Variants in SANBR observed in about 807,000 individuals in gnomAD.
SANBR encodes the protein SANT and BTB domain regulator of CSR, also known as SANT and BTB domain regulator of class switch recombination.
In SANBR, 77 loss-of-function variants were observed where a neutral mutation model predicts 101.8. That is an observed-to-expected ratio of 0.76 (90% CI 0.63 to 0.91). The LOEUF (loss-of-function observed/expected upper bound fraction) is 0.91. SANBR is among the 40% of genes least tolerant of loss of function. SANBR has a pLI of 0.00. For missense variants in SANBR, 875 were observed against 853.0 expected (o/e 1.03, Z -0.32); for synonymous variants, 279 against 274.7 (o/e 1.02, Z -0.15).
chr2:61,071,537 G>A (rs1284726678), intron 3 of SANBR, 69 bp from the exon 4 acceptor site: 2 of 1,044,416 alleles, frequency 1.9e-6, no homozygotes, highest in Non-Finnish European at 1.3e-6. Context: ...GCGACAATGT[G>A]AGACTCCGTC....
At chr2:61,134,755 G>A (rs560861350) in intron 21 of SANBR, among the ~76,000 whole-genome samples, 1 of 152,188 alleles carries the variant, frequency 6.6e-6, no homozygotes, top group African/African-American at 2.4e-5. Context: ...AGCTGGTGGT[G>A]TGGTGGCACA....
At chr2:61,113,709 T>G (rs1242776580) in intron 16 of SANBR, among the ~76,000 whole-genome samples, 2 of 152,258 alleles carry the variant, frequency 1.3e-5, no homozygotes, top group East Asian at 3.8e-4. Flanking sequence ...TCTTCATTTA[T>G]TAGATTTCAT....
chr2:61,127,788 G>C (rs893456742), downstream of SANBR, among the ~76,000 whole-genome samples: 6 of 152,174 alleles, frequency 3.9e-5, no homozygotes, highest in African/African-American at 7.2e-5. Flanking sequence ...AAGGAGAGGA[G>C]AGAGAGAAAG....
downstream of SANBR, among the ~76,000 whole-genome samples, chr2:61,125,014 T>A (rs1233171694): frequency 2.6e-5 from 4 of 152,244 alleles, no homozygotes; most frequent in Non-Finnish European, 5.9e-5. Context: ...CCTTCAGCTA[T>A]TCACTGAGCA....
intron 14 of SANBR, among the ~76,000 whole-genome samples, chr2:61,107,778 C>T (rs978068454): frequency 7.2e-5 from 11 of 151,852 alleles, no homozygotes; most frequent in African/African-American, 2.7e-4. Context: ...CCCAGCTACT[C>T]GGGAGGCTAA....
intron 21 of SANBR, among the ~76,000 whole-genome samples, chr2:61,136,196 C>G (rs781158906): frequency 4.0e-5 from 6 of 151,164 alleles, no homozygotes; most frequent in Non-Finnish European, 7.4e-5. Context: ...CCCAGCTACT[C>G]GGGAGACTAT....
At chr2:61,088,291 A>C in intron 9 of SANBR, 46 bp downstream of exon 9, 2 of 1,568,218 alleles carry the variant, frequency 1.3e-6, no homozygotes, top group South Asian at 2.4e-5. Context: ...TAATGCAGCT[A>C]TATTCTTTAA....
downstream of SANBR, among the ~76,000 whole-genome samples, chr2:61,124,703 CA>C (rs777185693): frequency 0.096 from 9,250 of 95,952 alleles, 929 homozygotes; most frequent in African/African-American, 0.28. Context: ...AAGACCCTAT[CA>C]AAAAAAAAAA....
At chr2:61,122,047 C>T in intron 21 of SANBR, 79 bp from the exon 22 acceptor site, 1 of 1,513,890 alleles carries the variant, frequency 6.6e-7, no homozygotes, top group South Asian at 1.3e-5. Flanking sequence ...TGTTGCCAAG[C>T]CAACATAATC....
At chr2:61,100,149 G>A (rs920428304) in intron 12 of SANBR, among the ~76,000 whole-genome samples, 3 of 152,156 alleles carry the variant, frequency 2.0e-5, no homozygotes, top group Admixed American at 6.5e-5. Context: ...CTGTTGCCCC[G>A]GCTGGAATGC....
intron 12 of SANBR, among the ~76,000 whole-genome samples, chr2:61,101,308 A>T (rs1683270025): frequency 6.6e-6 from 1 of 152,182 alleles, no homozygotes; most frequent in African/African-American, 2.4e-5. Context: ...TAACCACATT[A>T]ATTTCTAACC....
At chr2:61,100,496 C>T (rs927690172) in intron 12 of SANBR, among the ~76,000 whole-genome samples, 3 of 152,040 alleles carry the variant, frequency 2.0e-5, no homozygotes, top group Non-Finnish European at 4.4e-5. Flanking sequence ...TGAGAAGGCA[C>T]GGTAGGGTGG....
At chr2:61,088,968 C>T (rs986741922) in intron 10 of SANBR, 3 of 888,226 alleles carry the variant, frequency 3.4e-6, no homozygotes, top group Non-Finnish European at 4.0e-6. Flanking sequence ...ATTTTATTTA[C>T]TGGGTAAGTG....
Position 61,123,323 on chromosome 2 carries a change from G to C in SANBR, c.*1161G>C. The C allele has an allele frequency of 3.1e-6, 3 of 979,660 alleles. No homozygotes were observed. In the South Asian group the frequency reaches 1.4e-4, roughly 46 times the overall value. 60.7% of individuals were successfully genotyped at this position (979,660 alleles called of 1,614,324 possible). Reference sequence around the variant, plus strand: ...CAGACTTTAATAATGTGTGACAAAAGAGCAATTTCCATTGAAATATTGAAG... The same window carrying C: ...CAGACTTTAATAATGTGTGACAAAACAGCAATTTCCATTGAAATATTGAAG... On this transcript the variant is annotated 3_prime_UTR_variant, in exon 22 of 22. Coordinates refer to ENST00000402291, the MANE Select transcript of SANBR (RefSeq NM_001129993.3).
intron 8 of SANBR, among the ~76,000 whole-genome samples, chr2:61,086,188 T>G (rs920551778): frequency 1.3e-5 from 2 of 151,908 alleles, no homozygotes; most frequent in African/African-American, 4.8e-5. Context: ...TGAGACAGGG[T>G]CTTCTTGCTC....
chr2:61,132,093 C>T (rs1684705666), intron 20 of SANBR, among the ~76,000 whole-genome samples: 1 of 150,778 alleles, frequency 6.6e-6, no homozygotes, highest in East Asian at 1.9e-4. Flanking sequence ...AGGGGTAAAT[C>T]TTCGTGACCT....
intron 7 of SANBR, 45 bp from the exon 8 acceptor site, chr2:61,083,109 C>T: frequency 7.2e-7 from 1 of 1,384,306 alleles, no homozygotes. Context: ...ATGACATTGT[C>T]CTTCATGCTA....
intron 19 of SANBR, 95 bp downstream of exon 19, chr2:61,117,635 G>T (rs764735223): frequency 7.0e-6 from 8 of 1,144,950 alleles, no homozygotes; most frequent in Non-Finnish European, 1.0e-5. Flanking sequence ...TAGCTCTAGA[G>T]TTTCTAGCTA....
chr2:61,103,923 C>A lies in SANBR; in HGVS notation c.1436C>A (p.Pro479His). The change falls in exon 13 of 22, where the codon CCC becomes CAC. Residue 479 changes from proline to histidine, a missense_variant. Transcript: ENST00000402291. ...GAAGGCGGAGATTTGCCGTCCTGTC[C>A]CACTGCTAGAATGTTGGACGATTTG... ...QGEGGDLPSC[P>H]TARMLDDLHK... is the part of the protein sequence containing the mutation. The A allele has an allele frequency of 6.2e-7, 1 of 1,614,040 alleles. No individual in the cohort carries two copies. The highest frequency in any genetic ancestry group is 1.3e-5 in the African/African-American group (1 of 75,024).
Sources: gnomAD v4.1 joint callset for allele counts (sites outside exome capture counted in the v4.1 genomes callset) on GRCh38, gnomAD v4.1.1 for gene constraint, MANE v1.5 for transcripts, NCBI Gene and HGNC (gene_info 2026-07-23, HGNC 2026-07-21) for gene names.